The following PXDN variants were observed in gnomAD, a reference collection of about 807,000 sequenced individuals.
PXDN encodes peroxidasin homolog.
A neutral mutation model predicts 140.3 loss-of-function variants in PXDN; 77 were observed. The ratio of observed to expected loss-of-function variants is 0.55; its 90% CI spans 0.46 to 0.66. The LOEUF (loss-of-function observed/expected upper bound fraction) is 0.66, where lower values mean the gene tolerates loss of function less well. Ranked by LOEUF, PXDN falls within the 30% of genes least tolerant of loss-of-function variation. PXDN has a pLI of 0.00. For missense variants in PXDN, 1,838 were observed against 2,039.5 expected, an observed-to-expected ratio of 0.90 and a Z score of 1.90; for synonymous variants, 911 against 857.4, an observed-to-expected ratio of 1.06 and a Z score of -1.09.
chr2:1,695,358 T>G (rs975443619), intron 1 of PXDN, among the ~76,000 whole-genome samples: 2 of 148,424 alleles, frequency 1.3e-5, no homozygotes, highest in Non-Finnish European at 3.0e-5. Context: ...CCCTGTGCCC[T>G]GGGTCTGAGC....
intron 1 of PXDN, among the ~76,000 whole-genome samples, chr2:1,735,559 A>G (rs918565173): frequency 2.8e-4 from 42 of 152,298 alleles, no homozygotes; most frequent in African/African-American, 9.9e-4. Flanking sequence ...AGTATTTTGA[A>G]AATAATCTTT....
At chr2:1,657,582 G>A (rs951644029) in intron 14 of PXDN, among the ~76,000 whole-genome samples, 12 of 144,724 alleles carry the variant, frequency 8.3e-5, no homozygotes, top group African/African-American at 3.1e-4. Context: ...AAACCTGGCT[G>A]CTGACTGAAA....
At chr2:1,737,004 C>T (rs1225546333) in intron 1 of PXDN, among the ~76,000 whole-genome samples, 3 of 152,194 alleles carry the variant, frequency 2.0e-5, no homozygotes, top group African/African-American at 4.8e-5. Context: ...CATACAACAG[C>T]CCGGTAGGAC....
intron 1 of PXDN, among the ~76,000 whole-genome samples, chr2:1,702,930 A>G (rs962403556): frequency 6.6e-6 from 1 of 150,808 alleles, no homozygotes; most frequent in Non-Finnish European, 1.5e-5. Context: ...CGAGACATCA[A>G]TCAATATATG....
intron 21 of PXDN, 66 bp downstream of exon 21, chr2:1,638,780 G>A: frequency 1.2e-6 from 2 of 1,604,146 alleles, no homozygotes; most frequent in Non-Finnish European, 1.7e-6. Context: ...TACCCAGAAG[G>A]TTCGGGCAGG....
intron 13 of PXDN, 71 bp from the exon 14 acceptor site, chr2:1,661,108 G>T: frequency 6.4e-7 from 1 of 1,559,718 alleles, no homozygotes. Context: ...ACCTAGGGTT[G>T]GGGGAGGGGA....
chr2:1,635,469 C>T lies in PXDN; in HGVS notation c.4259G>A (p.Gly1420Asp). The T allele has an allele frequency of 6.2e-7, 1 of 1,601,896 alleles. No individual in the cohort carries two copies. Among genetic ancestry groups the T allele is most frequent in the Admixed American group, 1.7e-5 (1 of 58,322 alleles). ...CTTGGTGTTGTTGGCGTGAGATTCG[C>T]CCCCGGCATCCACGCACTCTGTGGT... The part of the protein sequence containing the change: ...LSTTECVDAG[G>D]ESHANNTKWK... The change falls in exon 22 of 23, where the codon GGC (glycine) becomes GAC (aspartate). Residue 1420 changes from glycine (G) to aspartate (D), a missense_variant. Around this residue, in one of 5 missense-constraint regions of PXDN, gnomAD observed 850 missense variants for 894.1 expected, o/e 0.95. Coordinates refer to ENST00000252804, the MANE Select transcript of PXDN (RefSeq NM_012293.3).
intron 1 of PXDN, among the ~76,000 whole-genome samples, chr2:1,720,028 A>G (rs1306372691): frequency 2.7e-4 from 11 of 40,400 alleles, no homozygotes; most frequent in Non-Finnish European, 3.9e-4. Context: ...AGAGAGAGAG[A>G]GAGAGGGAGG....
At chr2:1,691,034 A>G (rs1031018981) in intron 3 of PXDN, among the ~76,000 whole-genome samples, 2 of 152,236 alleles carry the variant, frequency 1.3e-5, no homozygotes, top group Admixed American at 6.5e-5. Flanking sequence ...GCAGCAAAGC[A>G]CCATGGCACG....
chr2:1,638,818 G>T (rs1682639065), intron 21 of PXDN, 28 bp downstream of exon 21: 2 of 1,613,584 alleles, frequency 1.2e-6, no homozygotes, highest in Non-Finnish European at 8.5e-7. Context: ...TCTTGGAGTG[G>T]GGGGACACAG....
intron 1 of PXDN, among the ~76,000 whole-genome samples, chr2:1,715,856 G>A (rs534861743): frequency 2.6e-5 from 4 of 152,264 alleles, no homozygotes; most frequent in Middle Eastern, 3.4e-3. Flanking sequence ...AAATGTGTGC[G>A]TATGACACAG....
intron 2 of PXDN, among the ~76,000 whole-genome samples, 189 bp downstream of exon 2, chr2:1,692,874 C>T (rs1014778824): frequency 4.6e-5 from 7 of 152,158 alleles, no homozygotes; most frequent in South Asian, 4.1e-4. Context: ...AGCCATGAGA[C>T]GAGAAACACA....
rs773925639 is a variant in PXDN, at chr2:1,684,249, T to A, written c.417-98A>T. On this transcript the variant is annotated intron_variant, in intron 4 of 22. Transcript: ENST00000252804. ...TTTTCCTAGTCATTTCAAATTCAGATATCAATAGATAGCTCACTCACTAGA... is the reference window on the plus strand; with the variant it reads ...TTTTCCTAGTCATTTCAAATTCAGAAATCAATAGATAGCTCACTCACTAGA... 4.5e-4 allele frequency: 388 copies of A among 865,362 alleles called. 1 individual carries two copies. The highest frequency in any genetic ancestry group is 6.7e-4 in the Non-Finnish European group (361 of 537,270). 53.6% of individuals were successfully genotyped at this position (865,362 alleles called of 1,614,324 possible).
intron 1 of PXDN, among the ~76,000 whole-genome samples, chr2:1,699,965 T>C (rs957591623): frequency 3.3e-5 from 5 of 152,220 alleles, no homozygotes; most frequent in Admixed American, 6.5e-5. Context: ...AGGGGTTACC[T>C]GCAAATATTC....
In PXDN at chr2:1,717,658, A is replaced by T. The variant is rs144741938; in HGVS notation, c.201-24524T>A. Among the ~76,000 whole-genome samples the T allele has an allele frequency of 2.1e-3, 319 of 152,256 alleles. 3 individuals carry two copies. The highest frequency in any genetic ancestry group is 1.3e-3 in the Non-Finnish European group (87 of 68,014). On this transcript the variant is annotated intron_variant, in intron 1 of 22. Transcript: ENST00000252804. The stretch of plus-strand genomic sequence containing the variant: ...AATAGCTGATCCTGAGCCTGGAACC[A>T]CATGGACTACTCTACTGACCTGCAG...
intron 9 of PXDN, among the ~76,000 whole-genome samples, chr2:1,669,370 T>C (rs1045762168): frequency 4.6e-5 from 7 of 152,164 alleles, no homozygotes; most frequent in Admixed American, 6.6e-5. Context: ...AAAACCTAGA[T>C]GACAGGTTGA....
chr2:1,693,125 G>T lies in PXDN; in HGVS notation c.210C>A (p.Arg70=). 1 of 1,554,552 alleles carries T rather than the reference G, an allele frequency of 6.4e-7. No homozygotes were observed. The highest frequency in any genetic ancestry group is 8.7e-7 in the Non-Finnish European group (1 of 1,147,562). ...GTTGGATCTCTCTGATTCTGTTAAA[G>T]CGAAGATCTCTGTGAAGAAACAAGA... The part of the protein sequence containing the change: ...VAPQTSILDL[R]FNRIREIQPG... Residue 70 remains arginine, a synonymous_variant, in exon 2 of 23, where the codon CGC becomes CGA. Transcript: ENST00000252804.
rs1385091797 is a variant in PXDN at position 1,633,919 on chromosome 2, A to G, written c.*285T>C. 9.9e-6 allele frequency: 3 copies of G among 301,938 alleles called. No homozygotes were observed. Among genetic ancestry groups the G allele is most frequent in the African/African-American group, 4.3e-5 (2 of 46,856 alleles). The allele number at this position is 301,938 out of a possible 1,614,324, so 18.7% of individuals were successfully genotyped here. Reference sequence around the variant, plus strand: ...TGATTCAACTGTGCAATTTAATAGTAGCACCAATTTTTCATTTTAAAAGAA... The same window carrying G: ...TGATTCAACTGTGCAATTTAATAGTGGCACCAATTTTTCATTTTAAAAGAA... On this transcript the variant is annotated 3_prime_UTR_variant, in exon 23 of 23. Coordinates refer to ENST00000252804, the MANE Select transcript of PXDN (RefSeq NM_012293.3).
At chr2:1,665,204 A>G (rs953951644) in intron 10 of PXDN, 130 bp from the exon 11 acceptor site, 24 of 706,576 alleles carry the variant, frequency 3.4e-5, no homozygotes, top group Non-Finnish European at 5.2e-5. Flanking sequence ...GAAGAGTCAG[A>G]AAGAGGCAGA....
Sources: gnomAD v4.1 joint callset for allele counts (sites outside exome capture counted in the v4.1 genomes callset) on GRCh38, gnomAD v4.1.1 for gene constraint, gnomAD v4.1.1 regional missense constraint, MANE v1.5 for transcripts, NCBI Gene and HGNC (gene_info 2026-07-23, HGNC 2026-07-21) for gene names.